Variants in SACS observed in about 807,000 individuals in gnomAD.
The protein encoded by SACS is sacsin.
SACS carries 197 observed loss-of-function variants against 348.0 expected under a neutral mutation model. The observed-to-expected ratio is 0.57, with a 90% CI of 0.50 to 0.64. The LOEUF (loss-of-function observed/expected upper bound fraction) is 0.64, where lower values mean the gene tolerates loss of function less well. Ranked by LOEUF, SACS falls within the 30% of genes least tolerant of loss-of-function variation. The pLI is 0.00. For synonymous variants in SACS, 1,985 were observed against 1,910.6 expected (o/e 1.04, Z -1.02); for missense variants, 4,999 against 5,360.8 (o/e 0.93, Z 2.11).
intron 2 of SACS, among the ~76,000 whole-genome samples, chr13:23,391,795 G>T (rs974989596): frequency 2.6e-5 from 3 of 114,150 alleles, no homozygotes; most frequent in East Asian, 9.9e-4. Context: ...AGGGAGAAAG[G>T]GAATCAAACT....
chr13:23,331,221 T>C lies in SACS; in HGVS notation c.12655A>G (p.Ser4219Gly), dbSNP rs754698093. The C allele has an allele frequency of 1.2e-6, 2 of 1,613,892 alleles. No individual in the cohort carries two copies. The highest frequency in any genetic ancestry group is 1.7e-5 in the Admixed American group (1 of 59,980). Residue 4219 changes from serine (S) to glycine (G), a missense_variant, in exon 10 of 10, where the codon AGT becomes GGT. This residue lies in a region of SACS where 831 missense variants were observed against 941.8 expected (regional missense o/e 0.88). Transcript: ENST00000382292. ...EVEREDADNS[S>G]FLGKIYQIDI... is the part of the protein sequence containing the mutation. The stretch of plus-strand genomic sequence containing the variant: ...ATCTGATATATCTTTCCTAGAAAAC[T>C]AGAATTGTCAGCATCTTCTCTTTCA...
chr13:23,429,779 A>G (rs1199009312), intron 1 of SACS, among the ~76,000 whole-genome samples: 3 of 152,184 alleles, frequency 2.0e-5, no homozygotes, highest in African/African-American at 7.2e-5. Context: ...AACCCAGTAT[A>G]TCTTCCTCCA....
Position 23,337,928 on chromosome 13 carries a change from G to A in SACS, c.5948C>T (p.Ser1983Phe), listed in dbSNP as rs1213992843. Reference sequence around the variant, plus strand: ...TACGTTCTTCATGGAAACCCAAGTAGATCCATCAGAGAAGACTTTGGTCAG... The same window carrying A: ...TACGTTCTTCATGGAAACCCAAGTAAATCCATCAGAGAAGACTTTGGTCAG... Reference protein sequence around the residue: ...KELTKVFSDGSTWVSMKNVRF... With the variant: ...KELTKVFSDGFTWVSMKNVRF... The change falls in exon 10 of 10, where the codon TCT becomes TTT. Residue 1983 changes from serine to phenylalanine, a missense_variant. Transcript: ENST00000382292. The A allele has an allele frequency of 1.1e-5, 17 of 1,613,860 alleles. No individual in the cohort carries two copies. The highest frequency in any genetic ancestry group is 1.4e-5 in the Non-Finnish European group (17 of 1,179,948).
Position 23,334,966 on chromosome 13 carries a change from T to C in SACS, c.8910A>G (p.Leu2970=). 1 of 1,613,948 alleles carries C rather than the reference T, an allele frequency of 6.2e-7. No homozygotes were observed. Among genetic ancestry groups the C allele is most frequent in the Non-Finnish European group, 8.5e-7 (1 of 1,179,856 alleles). The part of the protein sequence containing the change: ...LSFFPVNRLD[L]QPDLYCLVKA... The stretch of plus-strand genomic sequence containing the variant: ...TCACTAGACAATATAAATCTGGCTG[T>C]AGATCAAGACGGTTAACTGGGAAAA... Residue 2970 remains leucine (L), a synonymous_variant, in exon 10 of 10, where the codon CTA becomes CTG. Coordinates refer to ENST00000382292, the MANE Select transcript of SACS (RefSeq NM_014363.6).
At position 23,335,511 on chromosome 13, in the gene SACS, T is replaced by C. The variant is rs751787934; in HGVS notation, c.8365A>G (p.Thr2789Ala). The C allele has an allele frequency of 9.9e-6, 16 of 1,613,608 alleles. No homozygotes were observed. The highest frequency in any genetic ancestry group is 1.7e-5 in the Admixed American group (1 of 59,974). The change falls in exon 10 of 10, where the codon ACT becomes GCT. Residue 2789 changes from threonine (T) to alanine (A), a missense_variant. Around this residue, in one of 6 missense-constraint regions of SACS, gnomAD observed 3,156 missense variants for 3,380.1 expected, o/e 0.93. Coordinates refer to ENST00000382292, the MANE Select transcript of SACS (RefSeq NM_014363.6). The surrounding 1 kb of genome is among the most constrained non-coding windows in gnomAD (Gnocchi z 4.7). ...QFHASVIDSV[T>A]KKRQLKDIPV... Reference sequence around the variant, plus strand: ...ATGTCTTTGAGCTGCCTCTTTTTAGTAACACTATCAATTACAGATGCATGA... The same window carrying C: ...ATGTCTTTGAGCTGCCTCTTTTTAGCAACACTATCAATTACAGATGCATGA...
chr13:23,381,510 G>A (rs945431365), intron 2 of SACS, among the ~76,000 whole-genome samples: 2 of 152,038 alleles, frequency 1.3e-5, no homozygotes, highest in Admixed American at 6.5e-5. Flanking sequence ...ATAGAATAGA[G>A]ATATATACCT....
intron 9 of SACS, among the ~76,000 whole-genome samples, chr13:23,348,014 A>T (rs902495745): frequency 6.6e-6 from 1 of 152,226 alleles, no homozygotes; most frequent in African/African-American, 2.4e-5. Context: ...TGAAAATTTT[A>T]AAAATTATAA....
At chr13:23,387,245 G>A (rs1872326238) in intron 2 of SACS, among the ~76,000 whole-genome samples, 1 of 151,956 alleles carries the variant, frequency 6.6e-6, no homozygotes, top group Admixed American at 6.6e-5. Context: ...AGATCACGAG[G>A]TCAGGAGATC....
In SACS at chr13:23,340,742, T is replaced by C. The variant is rs547057720; in HGVS notation, c.3134A>G (p.Glu1045Gly). The C allele has an allele frequency of 6.2e-7, 1 of 1,603,648 alleles. No individual in the cohort carries two copies. Among genetic ancestry groups the C allele is most frequent in the African/African-American group, 1.3e-5 (1 of 74,542 alleles). The change falls in exon 10 of 10, where the codon GAA becomes GGA. Residue 1045 changes from glutamate (E) to glycine (G), a missense_variant. Glu to Gly is a moderately conservative substitution (Grantham distance 98). This residue lies in a region of SACS where 3,156 missense variants were observed against 3,380.1 expected (regional missense o/e 0.93). Transcript: ENST00000382292. ...GAGTTCACCAGCTGATACCATCTGT[T>C]CCTGTGATATCTGGATGAATTTTAA... ...TPLKFIQISQ[E>G]QMVSAGELFD...
Position 23,339,910 on chromosome 13 carries a change from A to G in SACS, c.3966T>C (p.Gly1322=). The change falls in exon 10 of 10, where the codon GGT becomes GGC. Residue 1322 remains glycine, a synonymous_variant. Transcript: ENST00000382292. ...AKFHQLFKVC[G]SIEELTSDHI... is the part of the protein sequence containing the mutation. The stretch of plus-strand genomic sequence containing the variant: ...GATCTGATGTCAACTCCTCTATTGA[A>G]CCACAGACCTTAAATAGTTGGTGGA... The G allele has an allele frequency of 1.2e-6, 2 of 1,614,064 alleles. No homozygotes were observed. Among genetic ancestry groups the G allele is most frequent in the Non-Finnish European group, 1.7e-6 (2 of 1,179,978 alleles).
At chr13:23,349,725 G>A (rs890394603) in intron 9 of SACS, among the ~76,000 whole-genome samples, 3 of 152,170 alleles carry the variant, frequency 2.0e-5, no homozygotes. Context: ...TGGGGACCTT[G>A]AGATATACCC....
At position 23,333,533 on chromosome 13, in the gene SACS, G is replaced by A. The variant is rs1883627508; in HGVS notation, c.10343C>T (p.Ser3448Leu). The change falls in exon 10 of 10, where the codon TCA (serine) becomes TTA (leucine). Residue 3448 changes from serine (S) to leucine (L), a missense_variant. Ser to Leu is a moderately radical substitution (Grantham distance 145). This residue lies in a region of SACS where 734 missense variants were observed against 694.0 expected (regional missense o/e 1.06). Transcript: ENST00000382292. The stretch of plus-strand genomic sequence containing the variant: ...TTTTTCTTCAAGAAATGCAGATGAT[G>A]ATGACTGTGTCCATTTCTCCACTTC... ...SAEVEKWTQSSSSAFLEEKIH... is the reference protein window; with the variant it reads ...SAEVEKWTQSLSSAFLEEKIH... 6.2e-7 allele frequency: 1 copy of A among 1,613,520 alleles called. No individual in the cohort carries two copies. Among genetic ancestry groups the A allele is most frequent in the Non-Finnish European group, 8.5e-7 (1 of 1,179,638 alleles).
Position 23,338,355 on chromosome 13 carries a change from GTCT to G in SACS, c.5518_5520del (p.Arg1840del), listed in dbSNP as rs767077186. 1.2e-6 allele frequency: 2 copies of G among 1,614,096 alleles called. No homozygotes were observed. Among genetic ancestry groups the G allele is most frequent in the Non-Finnish European group, 1.7e-6 (2 of 1,179,996 alleles). On this transcript the variant is annotated inframe_deletion, in exon 10 of 10. Transcript: ENST00000382292. ...ACTGCCCCACATGGAACCAGTCCTA[GTCT>G]TCTTCCACTCTCACTCAGGGAAAAC...
chr13:23,432,456 G>T (rs1874469413), intron 1 of SACS, among the ~76,000 whole-genome samples: 1 of 152,134 alleles, frequency 6.6e-6, no homozygotes, highest in Non-Finnish European at 1.5e-5. Flanking sequence ...GGAGGATAGA[G>T]GAAAGGAAAC....
intron 2 of SACS, among the ~76,000 whole-genome samples, chr13:23,399,019 C>CAAAGAAAAAAAAA (rs1872833471): frequency 1.5e-5 from 1 of 67,140 alleles, no homozygotes. Flanking sequence ...GACTCCATCT[C>CAAAGAAAAAAAAA]AAAAAAAAAA....
intron 1 of SACS, among the ~76,000 whole-genome samples, chr13:23,422,450 A>C (rs1192282619): frequency 6.6e-6 from 1 of 152,228 alleles, no homozygotes. Flanking sequence ...ATAACTAAAA[A>C]CAATCTGTGC....
At chr13:23,375,460 C>G in intron 2 of SACS, 191 bp from the exon 3 acceptor site, 4 of 1,172,600 alleles carry the variant, frequency 3.4e-6, no homozygotes, top group Middle Eastern at 3.5e-4. Context: ...GCCGGGAGGG[C>G]GGGATCCGCA....
Position 23,341,302 on chromosome 13 carries a change from A to G in SACS, c.2574T>C (p.Ser858=). 6.2e-7 allele frequency: 1 copy of G among 1,608,274 alleles called. No individual in the cohort carries two copies. Residue 858 remains serine (S), a synonymous_variant, in exon 10 of 10, where the codon TCT becomes TCC. Transcript: ENST00000382292. ...ATTTTTTAATAAGCGGATGTTGTATAGATGCATCTAATTTTTTAAGGACAA... is the reference window on the plus strand; with the variant it reads ...ATTTTTTAATAAGCGGATGTTGTATGGATGCATCTAATTTTTTAAGGACAA... The part of the protein sequence containing the change: ...GGFVLKKLDA[S]IQHPLIKKYI...
intron 2 of SACS, among the ~76,000 whole-genome samples, chr13:23,384,842 T>C (rs1374094365): frequency 1.3e-5 from 2 of 152,200 alleles, no homozygotes; most frequent in Non-Finnish European, 2.9e-5. Context: ...TCCAAACCAG[T>C]GCAATATAAT....
Sources: allele counts gnomAD v4.1 joint callset (sites outside exome capture counted in the v4.1 genomes callset), GRCh38; gene constraint gnomAD v4.1.1; regional missense constraint gnomAD v4.1.1; non-coding constraint Gnocchi (gnomAD v3.1); transcripts MANE v1.5; gene names NCBI Gene and HGNC (gene_info 2026-07-23, HGNC 2026-07-21).